The following ITPR3 variants were observed in gnomAD, a reference collection of about 807,000 sequenced individuals.
ITPR3 encodes the protein inositol 1,4,5-trisphosphate-gated calcium channel ITPR3.
In ITPR3, 173 loss-of-function variants were observed where a neutral mutation model predicts 293.2. That is an observed-to-expected ratio of 0.59 (90% CI 0.52 to 0.67). The LOEUF (loss-of-function observed/expected upper bound fraction) is 0.67. Ranked by LOEUF, ITPR3 falls within the 30% of genes least tolerant of loss-of-function variation. The pLI is 0.00. For missense variants in ITPR3, 2,796 were observed against 3,592.1 expected (o/e 0.78, Z 5.66); for synonymous variants, 1,295 against 1,444.4 (o/e 0.90, Z 2.35).
Position 33,675,767 on chromosome 6 carries a change from C to G in ITPR3, c.3193C>G (p.His1065Asp), listed in dbSNP as rs368057397. The G allele has an allele frequency of 8.7e-6, 14 of 1,612,886 alleles. No individual in the cohort carries two copies. The highest frequency in any genetic ancestry group is 1.2e-5 in the Non-Finnish European group (14 of 1,179,780). ...GCGCGTGCTCATCCACCTCACCATG[C>G]ACGACTATGCGCCGCTGGTCTCGGG... is the stretch of plus-strand genomic sequence containing the variant. The part of the protein sequence containing the change: ...FLRVLIHLTM[H>D]DYAPLVSGAL... Residue 1065 changes from histidine to aspartate, a missense_variant, in exon 25 of 58, where the codon CAC (histidine) becomes GAC (aspartate). His to Asp is a moderately conservative substitution (Grantham distance 81). This residue lies in a region of ITPR3 where 955 missense variants were observed against 1,180.8 expected (regional missense o/e 0.81). Coordinates refer to ENST00000605930, the MANE Select transcript of ITPR3 (RefSeq NM_002224.4). This position sits in a 1 kb window ranked among gnomAD's most constrained non-coding sequence, Gnocchi z 5.0.
intron 49 of ITPR3, 143 bp from the exon 50 acceptor site, chr6:33,689,095 G>T: frequency 1.0e-6 from 1 of 971,368 alleles, no homozygotes; most frequent in Non-Finnish European, 1.5e-6. Context: ...AGAGGCAGGT[G>T]TAATGGAGGA....
chr6:33,684,688 GGTCA>G lies in ITPR3; in HGVS notation c.5137+3_5137+6del. 6.2e-7 allele frequency: 1 copy of G among 1,613,916 alleles called. No homozygotes were observed. The highest frequency in any genetic ancestry group is 8.5e-7 in the Non-Finnish European group (1 of 1,179,966). ...GGACCTTCCCGACCCCATAGGCACT[GGTCA>G]GTATCACCTTCCCCTGCCCCCGGGC... On this transcript the variant is annotated splice_donor_variant and splice_donor_region_variant and intron_variant, in intron 38 of 57. Coordinates refer to ENST00000605930, the MANE Select transcript of ITPR3 (RefSeq NM_002224.4). LOFTEE classifies it high-confidence loss of function. The surrounding 1 kb of genome is among the most constrained non-coding windows in gnomAD (Gnocchi z 4.2).
intron 56 of ITPR3, 107 bp downstream of exon 56, chr6:33,693,812 T>C: frequency 7.8e-7 from 1 of 1,288,686 alleles, no homozygotes; most frequent in Non-Finnish European, 1.1e-6. Context: ...CCCTGGGCCC[T>C]GGAGAGGAGT....
chr6:33,673,794 G>A, intron 23 of ITPR3, 74 bp downstream of exon 23: 1 of 1,553,072 alleles, frequency 6.4e-7, no homozygotes, highest in Non-Finnish European at 8.8e-7. Flanking sequence ...GGTGGAGCCA[G>A]CTCCTCAGCC....
chr6:33,685,975 C>T (rs1765219143), intron 41 of ITPR3, 78 bp from the exon 42 acceptor site: 1 of 1,559,926 alleles, frequency 6.4e-7, no homozygotes, highest in Non-Finnish European at 8.8e-7. Context: ...CCCTGCAGCA[C>T]ACAAGATCGT....
Position 33,693,542 on chromosome 6 carries a change from C to G in ITPR3, c.7625-3C>G. On this transcript the variant is annotated splice_region_variant and splice_polypyrimidine_tract_variant and intron_variant, in intron 55 of 57. Coordinates refer to ENST00000605930, the MANE Select transcript of ITPR3 (RefSeq NM_002224.4). ...GTTTCATTCCCGCCCTCTGCACCCT[C>G]AGGTCTGGAGAGGGACAAGTTTGAT... 2 of 1,613,852 alleles carry G rather than the reference C, an allele frequency of 1.2e-6. No homozygotes were observed. Among genetic ancestry groups the G allele is most frequent in the Non-Finnish European group, 1.7e-6 (2 of 1,179,834 alleles).
In ITPR3 at chr6:33,673,587, C is replaced by T; in HGVS notation, c.2929-4C>T. ...CCTCACCTGACCTTTCCTCTCTTCT[C>T]CAGTTCATCCTCAATGTCCGCCTGG... On this transcript the variant is annotated splice_polypyrimidine_tract_variant and splice_region_variant and intron_variant, in intron 22 of 57. Coordinates refer to ENST00000605930, the MANE Select transcript of ITPR3 (RefSeq NM_002224.4). 1 of 1,614,062 alleles carries T rather than the reference C, an allele frequency of 6.2e-7. No homozygotes were observed. Among genetic ancestry groups the T allele is most frequent in the Non-Finnish European group, 8.5e-7 (1 of 1,179,924 alleles).
At chr6:33,639,499 C>T (rs1395427475) in intron 1 of ITPR3, among the ~76,000 whole-genome samples, 7 of 151,996 alleles carry the variant, frequency 4.6e-5, no homozygotes, top group South Asian at 4.1e-4. Context: ...TATTCAGATT[C>T]GGTTTTCTCC....
At chr6:33,694,701 A>AT in intron 56 of ITPR3, 1 of 550,802 alleles carries the variant, frequency 1.8e-6, no homozygotes, top group Admixed American at 3.4e-5. Flanking sequence ...TGCCTAACGG[A>AT]AGTCAGCCTG....
In ITPR3 at chr6:33,679,959, G is replaced by A. The variant is rs746670635; in HGVS notation, c.4050G>A (p.Lys1350=). The A allele has an allele frequency of 1.2e-6, 2 of 1,613,874 alleles. No homozygotes were observed. The highest frequency in any genetic ancestry group is 2.2e-5 in the South Asian group (2 of 91,084). The change falls in exon 31 of 58, where the codon AAG becomes AAA. Residue 1350 remains lysine, a synonymous_variant. Coordinates refer to ENST00000605930, the MANE Select transcript of ITPR3 (RefSeq NM_002224.4). This position sits in a 1 kb window ranked among gnomAD's most constrained non-coding sequence, Gnocchi z 4.2. The part of the protein sequence containing the change: ...ASLAHLLDMM[K]AARDGVEDHS... Reference sequence around the variant, plus strand: ...TGGCCCACCTGCTGGACATGATGAAGGCCGCCCGCGACGGCGTGGAGGACC... The same window carrying A: ...TGGCCCACCTGCTGGACATGATGAAAGCCGCCCGCGACGGCGTGGAGGACC...
At position 33,692,865 on chromosome 6, in the gene ITPR3, G is replaced by T; in HGVS notation, c.7596G>T (p.Glu2532Asp). 6.2e-7 allele frequency: 1 copy of T among 1,614,172 alleles called. No individual in the cohort carries two copies. The highest frequency in any genetic ancestry group is 8.5e-7 in the Non-Finnish European group (1 of 1,180,034). Residue 2532 changes from glutamate (E) to aspartate (D), a missense_variant, in exon 55 of 58, where the codon GAG (glutamate) becomes GAT (aspartate). Glu to Asp is a conservative substitution (Grantham distance 45). Coordinates refer to ENST00000605930, the MANE Select transcript of ITPR3 (RefSeq NM_002224.4). This position sits in a 1 kb window ranked among gnomAD's most constrained non-coding sequence, Gnocchi z 4.2. ...GTAGTGAGAAGCAGAAGAAGGAGGA[G>T]ATTCTTAAGACGACATGCTTCATCT... ...DLRSEKQKKE[E>D]ILKTTCFICG...
Position 33,695,917 on chromosome 6 carries a change from A to G in ITPR3, c.*137A>G. Reference sequence around the variant, plus strand: ...CTCCCACTCTGCCAGACACCCTGACACCCACCCAGGCTTTGAAGAGCATGG... The same window carrying G: ...CTCCCACTCTGCCAGACACCCTGACGCCCACCCAGGCTTTGAAGAGCATGG... On this transcript the variant is annotated 3_prime_UTR_variant, in exon 58 of 58. Coordinates refer to ENST00000605930, the MANE Select transcript of ITPR3 (RefSeq NM_002224.4). The G allele has an allele frequency of 6.7e-6, 5 of 744,350 alleles. No homozygotes were observed. The highest frequency in any genetic ancestry group is 9.2e-6 in the Non-Finnish European group (4 of 437,086). The allele number at this position is 744,350 out of a possible 1,614,324, so 46.1% of individuals were successfully genotyped here.
intron 1 of ITPR3, 99 bp from the exon 2 acceptor site, chr6:33,640,385 G>A (rs1763919868): frequency 9.4e-7 from 1 of 1,060,590 alleles, no homozygotes; most frequent in African/African-American, 1.6e-5. Context: ...AATTATCTTA[G>A]GGGCTCACTG....
Position 33,632,271 on chromosome 6 carries a change from TCCCCAGTCTGTCATTC to T in ITPR3, c.90-8192_90-8177del, listed in dbSNP as rs1308124899. ...GGTTGTTCAGGGTCCCTCGGGGATTTCCCCAGTCTGTCATTCCCCCAGTCTGTCATTCCCCCTCCCA... is the reference window on the plus strand; with the variant it reads ...GGTTGTTCAGGGTCCCTCGGGGATTTCCCCAGTCTGTCATTCCCCCTCCCA... On this transcript the variant is annotated intron_variant, in intron 1 of 57. Transcript: ENST00000605930. This position sits in a 1 kb window ranked among gnomAD's most constrained non-coding sequence, Gnocchi z 4.1. 3.3e-5 allele frequency among the ~76,000 whole-genome samples: 5 copies of T among 152,234 alleles called. No individual in the cohort carries two copies. Among genetic ancestry groups the T allele is most frequent in the Admixed American group, 2.0e-4 (3 of 15,302 alleles).
rs1763706297 is a variant in ITPR3 at position 33,632,479 on chromosome 6, C to T, written c.90-8005C>T. Among the ~76,000 whole-genome samples, 2 of 152,336 alleles carry T rather than the reference C, an allele frequency of 1.3e-5. No homozygotes were observed. The highest frequency in any genetic ancestry group is 6.5e-5 in the Admixed American group (1 of 15,308). On this transcript the variant is annotated intron_variant, in intron 1 of 57. Coordinates refer to ENST00000605930, the MANE Select transcript of ITPR3 (RefSeq NM_002224.4). The surrounding 1 kb of genome is among the most constrained non-coding windows in gnomAD (Gnocchi z 4.1). ...GCGCCCACCTGGATCTCAAAGTCCA[C>T]GCAGGGTGGAATGGGGCAGAATGGG...
Position 33,655,845 on chromosome 6 carries a change from C to G in ITPR3, c.240C>G (p.Asp80Glu), listed in dbSNP as rs143158380. ...QYWKAKQTKQ[D>E]KEKIADVVLL... ...GGAAGGCCAAGCAGACTAAGCAGGA[C>G]AAGGAGAAGATCGCTGATGTGGTGT... is the stretch of plus-strand genomic sequence containing the variant. Residue 80 changes from aspartate (D) to glutamate (E), a missense_variant, in exon 3 of 58, where the codon GAC becomes GAG. Around this residue, in one of 8 missense-constraint regions of ITPR3, gnomAD observed 144 missense variants for 230.8 expected, o/e 0.62. Transcript: ENST00000605930. This position sits in a 1 kb window ranked among gnomAD's most constrained non-coding sequence, Gnocchi z 4.9. 5 of 1,613,966 alleles carry G rather than the reference C, an allele frequency of 3.1e-6. No individual in the cohort carries two copies. Among genetic ancestry groups the G allele is most frequent in the Non-Finnish European group, 4.2e-6 (5 of 1,180,028 alleles).
rs377521561 is a variant in ITPR3 at position 33,679,518 on chromosome 6, G to A, written c.3973-364G>A. Among the ~76,000 whole-genome samples, 2 of 152,212 alleles carry A rather than the reference G, an allele frequency of 1.3e-5. No homozygotes were observed. The highest frequency in any genetic ancestry group is 2.9e-5 in the Non-Finnish European group (2 of 68,042). Reference sequence around the variant, plus strand: ...CTGCGAATAATGCAGTCGCTGGCACGAGAGGTGTGTGCTCAGTGAGGAGGG... The same window carrying A: ...CTGCGAATAATGCAGTCGCTGGCACAAGAGGTGTGTGCTCAGTGAGGAGGG... On this transcript the variant is annotated intron_variant, in intron 30 of 57. Transcript: ENST00000605930. This position sits in a 1 kb window ranked among gnomAD's most constrained non-coding sequence, Gnocchi z 4.2.
At chr6:33,665,335 C>T in intron 13 of ITPR3, 122 bp downstream of exon 13, 1 of 1,299,148 alleles carries the variant, frequency 7.7e-7, no homozygotes, top group African/African-American at 1.5e-5. Flanking sequence ...GGGACTGGCC[C>T]CTGTGGGGCC....
chr6:33,641,888 C>G (rs1359753419), intron 2 of ITPR3, among the ~76,000 whole-genome samples: 1 of 152,208 alleles, frequency 6.6e-6, no homozygotes, highest in Non-Finnish European at 1.5e-5. Flanking sequence ...ACTGCTGGCC[C>G]CACCTCCCTT....
Sources: gnomAD v4.1 joint callset for allele counts (sites outside exome capture counted in the v4.1 genomes callset) on GRCh38, gnomAD v4.1.1 for gene constraint, gnomAD v4.1.1 regional missense constraint, Gnocchi (gnomAD v3.1) non-coding constraint, MANE v1.5 for transcripts, NCBI Gene and HGNC (gene_info 2026-07-23, HGNC 2026-07-21) for gene names.